NDUFA10: variants seen among roughly 807,000 people sequenced by gnomAD.
NDUFA10 encodes NADH:ubiquinone oxidoreductase subunit A10, also known as NADH dehydrogenase [ubiquinone] 1 alpha subcomplex subunit 10, mitochondrial.
In NDUFA10, 40 loss-of-function variants were observed where a neutral mutation model predicts 47.8. The ratio of observed to expected loss-of-function variants is 0.84; its 90% CI spans 0.65 to 1.09. The LOEUF is 1.09. Among genes scored for constraint, NDUFA10 ranks in the 50% least tolerant of loss-of-function variants. The pLI is 0.00. For synonymous variants in NDUFA10, 183 were observed against 172.2 expected (o/e 1.06, Z -0.49); for missense variants, 413 against 451.1 (o/e 0.92, Z 0.76).
intron 9 of NDUFA10, chr2:239,976,619 C>T (rs973414671): frequency 2.0e-5 from 3 of 152,276 alleles, no homozygotes; most frequent in Non-Finnish European, 4.4e-5. Context: ...GTCTCCAGCC[C>T]TGGTGCAGTG....
chr2:239,965,539 G>A (rs780758494), intron 9 of NDUFA10, among the ~76,000 whole-genome samples: 1 of 152,142 alleles, frequency 6.6e-6, no homozygotes, highest in South Asian at 2.1e-4. Context: ...AACGGGCCTC[G>A]TCAGACCTTC....
chr2:239,993,157 G>A (rs915619710), intron 8 of NDUFA10, among the ~76,000 whole-genome samples: 1 of 152,150 alleles, frequency 6.6e-6, no homozygotes, highest in Non-Finnish European at 1.5e-5. Context: ...TCTATGCTCC[G>A]ATAAGCACAT....
At chr2:240,009,209 G>A (rs560427305) in intron 6 of NDUFA10, among the ~76,000 whole-genome samples, 7 of 152,312 alleles carry the variant, frequency 4.6e-5, no homozygotes, top group African/African-American at 1.7e-4. Context: ...TACATGTCAG[G>A]CTGGTCACTC....
intron 6 of NDUFA10, among the ~76,000 whole-genome samples, chr2:240,008,363 A>G (rs1697022201): frequency 6.6e-6 from 1 of 152,242 alleles, no homozygotes; most frequent in African/African-American, 2.4e-5. Context: ...CATAGTGAGG[A>G]AAGTAACTTA....
intron 4 of NDUFA10, among the ~76,000 whole-genome samples, chr2:239,939,978 C>T (rs1357228402): frequency 1.3e-5 from 2 of 152,232 alleles, no homozygotes; most frequent in Non-Finnish European, 2.9e-5. Context: ...GGCAGCTCAG[C>T]CCGGGGAAGG....
At position 240,008,406 on chromosome 2, in the gene NDUFA10, G is replaced by A. The variant is rs775039392; in HGVS notation, c.750-1036C>T. On this transcript the variant is annotated intron_variant, in intron 6 of 9. Transcript: ENST00000252711. ...TGCCATTAGGGCTGGCAAGGAAAAG[G>A]CCACACTAATTACAGGACTTGCTGT... 2.3e-4 allele frequency among the ~76,000 whole-genome samples: 35 copies of A among 152,198 alleles called. 1 individual carries two copies. The highest frequency in any genetic ancestry group is 4.0e-4 in the Non-Finnish European group (27 of 68,048).
chr2:239,966,132 C>T (rs893338200), intron 9 of NDUFA10, among the ~76,000 whole-genome samples: 1 of 152,214 alleles, frequency 6.6e-6, no homozygotes, highest in Non-Finnish European at 1.5e-5. Context: ...GGTGGCCCAC[C>T]GGGAGTGTTC....
intron 4 of NDUFA10, among the ~76,000 whole-genome samples, chr2:239,912,204 T>G (rs60924678): frequency 0.046 from 7,062 of 152,224 alleles, 461 homozygotes; most frequent in African/African-American, 0.15. Flanking sequence ...CACCCCCCTC[T>G]GGTCCTGCTG....
chr2:239,920,718 T>G (rs1314631174), intron 4 of NDUFA10, among the ~76,000 whole-genome samples: 1 of 152,152 alleles, frequency 6.6e-6, no homozygotes, highest in African/African-American at 2.4e-5. Context: ...TCCCAGGCCT[T>G]TTGCGTGACG....
chr2:239,949,409 C>G (rs1694513307), intron 4 of NDUFA10, among the ~76,000 whole-genome samples: 1 of 152,188 alleles, frequency 6.6e-6, no homozygotes, highest in South Asian at 2.1e-4. Context: ...TTCGGGAAGG[C>G]AGGCGGCACT....
At chr2:239,947,551 A>G (rs796557325) in intron 4 of NDUFA10, among the ~76,000 whole-genome samples, 40 of 152,192 alleles carry the variant, frequency 2.6e-4, no homozygotes, top group African/African-American at 9.6e-4. Flanking sequence ...TGCGCACCAG[A>G]CACAGACAGG....
intron 9 of NDUFA10, among the ~76,000 whole-genome samples, chr2:239,983,062 T>C (rs1207134243): frequency 6.6e-6 from 1 of 152,188 alleles, no homozygotes; most frequent in East Asian, 1.9e-4. Flanking sequence ...CATTTCAGTA[T>C]TCGCTTCCTT....
chr2:240,021,861 C>T (rs746139556), intron 2 of NDUFA10, among the ~76,000 whole-genome samples: 1 of 152,208 alleles, frequency 6.6e-6, no homozygotes, highest in Non-Finnish European at 1.5e-5. Context: ...ATTTCAGAGG[C>T]TGTCACAAAG....
At chr2:240,025,116 G>A (rs781417689) in intron 1 of NDUFA10, 111 bp downstream of exon 1, 3 of 1,137,216 alleles carry the variant, frequency 2.6e-6, no homozygotes, top group Middle Eastern at 3.0e-4. Context: ...CCCACCCGGA[G>A]AGCGACCTGG....
At chr2:239,956,537 C>T (rs1415665216), downstream of NDUFA10, among the ~76,000 whole-genome samples, 1 of 152,230 alleles carries the variant, frequency 6.6e-6, no homozygotes, top group East Asian at 1.9e-4. Flanking sequence ...GAGGAAAAGC[C>T]TCCCGTGCTT....
intron 4 of NDUFA10, among the ~76,000 whole-genome samples, chr2:239,912,057 G>T (rs1693764890): frequency 6.6e-6 from 1 of 152,096 alleles, no homozygotes; most frequent in South Asian, 2.1e-4. Context: ...CTCGCTGGAG[G>T]TACACCCCTC....
At chr2:239,968,251 G>A (rs1334140012) in intron 9 of NDUFA10, among the ~76,000 whole-genome samples, 1 of 152,226 alleles carries the variant, frequency 6.6e-6, no homozygotes, top group African/African-American at 2.4e-5. Context: ...GGATCAGCAG[G>A]GAAGAGGTGG....
At chr2:239,985,886 G>A (rs1249627252) in intron 9 of NDUFA10, among the ~76,000 whole-genome samples, 2 of 146,772 alleles carry the variant, frequency 1.4e-5, no homozygotes, top group Admixed American at 6.9e-5. Context: ...ACTCCAGCCT[G>A]GGTGACAAGA....
In NDUFA10 at chr2:239,959,646, G is replaced by A. The variant is rs913232119; in HGVS notation, c.*1472C>T. ...GGAAGGAGGCAGGGAGGAAGGGAAG[G>A]GAGGAAAACAAGGACAGACGGAAGG... On this transcript the variant is annotated 3_prime_UTR_variant, in exon 10 of 10. Coordinates refer to ENST00000252711, the MANE Select transcript of NDUFA10 (RefSeq NM_004544.4). 3.1e-6 allele frequency: 3 copies of A among 977,854 alleles called. No individual in the cohort carries two copies. In the East Asian group the frequency reaches 3.4e-4, roughly 111 times the overall value. The allele number at this position is 977,854 out of a possible 1,614,324, so 60.6% of individuals were successfully genotyped here. A position where few individuals can be genotyped will look rare whatever the true frequency, so the allele number is the denominator to read the frequency against.
Sources: gnomAD v4.1 joint callset for allele counts (sites outside exome capture counted in the v4.1 genomes callset) on GRCh38, gnomAD v4.1.1 for gene constraint, MANE v1.5 for transcripts, NCBI Gene and HGNC (gene_info 2026-07-23, HGNC 2026-07-21) for gene names.